Variants in CHD1 observed in about 807,000 individuals in gnomAD.
CHD1 encodes the protein ATP-dependent chromatin remodeler CHD1.
A neutral mutation model predicts 224.2 loss-of-function variants in CHD1; 36 were observed. The ratio of observed to expected loss-of-function variants is 0.16; its 90% CI spans 0.12 to 0.21. The LOEUF (loss-of-function observed/expected upper bound fraction) is 0.21, where lower values mean the gene tolerates loss of function less well. Among genes scored for constraint, CHD1 ranks in the 10% least tolerant of loss-of-function variants. The pLI is 1.00. For missense variants in CHD1, 1,378 were observed against 1,994.8 expected, an observed-to-expected ratio of 0.69 and a Z score of 5.89; for synonymous variants, 668 against 658.3, an observed-to-expected ratio of 1.01 and a Z score of -0.23.
chr5:98,858,097 G>A, intron 35 of CHD1, 83 bp downstream of exon 35: 4 of 1,028,266 alleles, frequency 3.9e-6, no homozygotes, highest in Non-Finnish European at 5.9e-6. Flanking sequence ...AGATTGAATT[G>A]GCTGACAGGT....
chr5:98,915,877 C>G (rs536396632), intron 2 of CHD1, among the ~76,000 whole-genome samples: 1 of 152,028 alleles, frequency 6.6e-6, no homozygotes, highest in Non-Finnish European at 1.5e-5. Flanking sequence ...TTTAAGTTAA[C>G]GCAAATAATG....
intron 2 of CHD1, among the ~76,000 whole-genome samples, chr5:98,905,993 A>C (rs1032505307): frequency 6.6e-6 from 1 of 152,216 alleles, no homozygotes; most frequent in African/African-American, 2.4e-5. Context: ...CAGGTAATAC[A>C]GTTTACAGAT....
At chr5:98,891,013 G>T (rs913231249) in intron 15 of CHD1, among the ~76,000 whole-genome samples, 1 of 152,110 alleles carries the variant, frequency 6.6e-6, no homozygotes, top group African/African-American at 2.4e-5. Flanking sequence ...CTGAATATTG[G>T]TATCAAGAAA....
At position 98,926,496 on chromosome 5, in the gene CHD1, C is replaced by T; in HGVS notation, c.-110G>A. 1 of 511,396 alleles carries T rather than the reference C, an allele frequency of 2.0e-6. No individual in the cohort carries two copies. The highest frequency in any genetic ancestry group is 3.3e-6 in the Non-Finnish European group (1 of 306,516). 31.7% of individuals were successfully genotyped at this position (511,396 alleles called of 1,614,324 possible). A position where few individuals can be genotyped will look rare whatever the true frequency, so the allele number is the denominator to read the frequency against. On this transcript the variant is annotated 5_prime_UTR_variant, in exon 2 of 36. Transcript: ENST00000614616. ...TAAAAATTCACAGATGAATTTTCTT[C>T]AACAGTCACAGGTTTTCTGGGACTC...
chr5:98,896,000 T>C (rs1411116691), intron 12 of CHD1, among the ~76,000 whole-genome samples: 1 of 151,958 alleles, frequency 6.6e-6, no homozygotes. Flanking sequence ...TGAGCTCAGT[T>C]CAAGACCAGC....
chr5:98,871,677 C>T (rs1749360348), intron 28 of CHD1, among the ~76,000 whole-genome samples: 1 of 152,008 alleles, frequency 6.6e-6, no homozygotes, highest in Non-Finnish European at 1.5e-5. Context: ...GATAAATGTT[C>T]CAGTTACCCT....
Position 98,881,118 on chromosome 5 carries a change from T to G in CHD1, c.3018A>C (p.Pro1006=). The part of the protein sequence containing the change: ...LKRAETHENE[P]GPLTVGDELL... ...ATTCATCTCCTACAGTTAAAGGACC[T>G]GGTTCATTTTCATGAGTTTCAGCTC... Residue 1006 remains proline (P), a synonymous_variant, in exon 22 of 36, where the codon CCA becomes CCC. Transcript: ENST00000614616. The G allele has an allele frequency of 6.2e-7, 1 of 1,611,576 alleles. No homozygotes were observed. Among genetic ancestry groups the G allele is most frequent in the Non-Finnish European group, 8.5e-7 (1 of 1,178,660 alleles).
At chr5:98,868,117 C>T (rs1170209140) in intron 31 of CHD1, among the ~76,000 whole-genome samples, 2 of 151,622 alleles carry the variant, frequency 1.3e-5, no homozygotes, top group African/African-American at 2.4e-5. Flanking sequence ...CCTTTTACGC[C>T]AAGGAGTTCG....
chr5:98,900,199 G>A (rs1042877168), intron 7 of CHD1, among the ~76,000 whole-genome samples: 5 of 150,990 alleles, frequency 3.3e-5, no homozygotes, highest in Non-Finnish European at 7.4e-5. Flanking sequence ...GGAGAATGGC[G>A]TGAACCTGGG....
intron 2 of CHD1, among the ~76,000 whole-genome samples, chr5:98,911,146 A>AAAAAATATATATAT (rs1491111295): frequency 2.6e-5 from 1 of 39,142 alleles, no homozygotes; most frequent in African/African-American, 1.2e-4. Context: ...AAAAAAAAAA[A>AAAAAATATATATAT]ATATATATAT....
chr5:98,919,437 G>A (rs1752950080), intron 2 of CHD1, among the ~76,000 whole-genome samples: 1 of 152,156 alleles, frequency 6.6e-6, no homozygotes, highest in African/African-American at 2.4e-5. Flanking sequence ...ACCAACATCA[G>A]AAAACAGTGT....
Position 98,869,738 on chromosome 5 carries a change from T to A in CHD1, c.4107+16A>T, listed in dbSNP as rs571383176. The A allele has an allele frequency of 6.2e-7, 1 of 1,612,146 alleles. No homozygotes were observed. ...CTTTCCATAGAAAAGGTTGTTGTTC[T>A]AAAACACATTCTTACTTTATCATCA... On this transcript the variant is annotated intron_variant, in intron 30 of 35. Coordinates refer to ENST00000614616, the MANE Select transcript of CHD1 (RefSeq NM_001270.4).
intron 2 of CHD1, among the ~76,000 whole-genome samples, chr5:98,923,332 C>A (rs1012181507): frequency 2.0e-5 from 3 of 152,064 alleles, no homozygotes; most frequent in East Asian, 1.9e-4. Flanking sequence ...TTAACAACTC[C>A]GAATAATTAA....
At chr5:98,858,608 A>G in intron 34 of CHD1, 1 of 508,982 alleles carries the variant, frequency 2.0e-6, no homozygotes, top group Non-Finnish European at 3.5e-6. Context: ...ACTAAAAAAT[A>G]TGGGACCTAT....
At chr5:98,889,008 T>G in intron 16 of CHD1, 68 bp downstream of exon 16, 2 of 1,130,184 alleles carry the variant, frequency 1.8e-6, no homozygotes, top group Admixed American at 4.5e-5. Context: ...TTGAGCCATT[T>G]TCGATTGTAA....
In CHD1 at chr5:98,904,910, A is replaced by G. The variant is rs1272912081; in HGVS notation, c.242T>C (p.Val81Ala). The change falls in exon 3 of 36, where the codon GTT becomes GCT. Residue 81 changes from valine to alanine, a missense_variant. Val to Ala is a moderately conservative substitution (Grantham distance 64, BLOSUM62 0). Around this residue, in one of 16 missense-constraint regions of CHD1, gnomAD observed 306 missense variants for 298.1 expected, o/e 1.03. Transcript: ENST00000614616. ...ENKVQAKPPK[V>A]DGAEFWKSSP... ...TTTATTGATTACCTCAGCTCCATCA[A>G]CTTTCGGTGGTTTTGCTTGAACTTT... 1.9e-6 allele frequency: 3 copies of G among 1,613,808 alleles called. No individual in the cohort carries two copies. The highest frequency in any genetic ancestry group is 1.7e-5 in the Admixed American group (1 of 59,996).
At chr5:98,911,819 A>G (rs926071183) in intron 2 of CHD1, among the ~76,000 whole-genome samples, 3 of 152,226 alleles carry the variant, frequency 2.0e-5, no homozygotes. Context: ...CAATGTCATG[A>G]AAGACAAAGA....
At chr5:98,899,221 G>A (rs962244194) in intron 8 of CHD1, among the ~76,000 whole-genome samples, 27 of 152,010 alleles carry the variant, frequency 1.8e-4, no homozygotes, top group African/African-American at 6.3e-4. Flanking sequence ...CATTTACAAC[G>A]TAAATGCAGT....
Position 98,901,248 on chromosome 5 carries a change from A to G in CHD1, c.525T>C (p.Cys175=), listed in dbSNP as rs1426162614. ...ESEEEREKSS[C]DETESDYEPK... ...GCTCATAATCAGATTCTGTTTCATC[A>G]CAACTGCTTTTCTCTCTCTCTTCTT... The change falls in exon 6 of 36, where the codon TGT becomes TGC. Residue 175 remains cysteine, a synonymous_variant. Transcript: ENST00000614616. The G allele has an allele frequency of 6.2e-7, 1 of 1,613,886 alleles. No homozygotes were observed. Among genetic ancestry groups the G allele is most frequent in the Non-Finnish European group, 8.5e-7 (1 of 1,179,966 alleles).
Sources: allele counts gnomAD v4.1 joint callset (sites outside exome capture counted in the v4.1 genomes callset), GRCh38; gene constraint gnomAD v4.1.1; regional missense constraint gnomAD v4.1.1; transcripts MANE v1.5; gene names NCBI Gene and HGNC (gene_info 2026-07-23, HGNC 2026-07-21).